Variants in TASP1 observed in about 807,000 individuals in gnomAD.
TASP1 encodes the protein threonine aspartase 1.
Under a neutral mutation model 56.6 loss-of-function variants are expected in TASP1, and 16 were observed. The observed-to-expected ratio is 0.28, with a 90% CI of 0.19 to 0.43. The LOEUF (loss-of-function observed/expected upper bound fraction) is 0.43. Among genes scored for constraint, TASP1 ranks in the 20% least tolerant of loss-of-function variants. The pLI, the probability that TASP1 is intolerant of heterozygous loss-of-function variation, is 1.00. For missense variants in TASP1, 393 were observed against 511.6 expected (o/e 0.77, Z 2.24); for synonymous variants, 179 against 184.2 (o/e 0.97, Z 0.23).
At chr20:13,321,544 TCTGTCTGCCTAGGCCTGGTGC>T in the TASP1 span, among the ~76,000 whole-genome samples, 4 of 152,190 alleles carry the variant, frequency 2.6e-5, no homozygotes, top group Admixed American at 2.6e-4. Context: ...TAATCCTTCC[TCTGTCTGCCTAGGCCTGGTGC>T]CTTGAAGCCT....
chr20:13,214,562 C>CACACACAG, the TASP1 span, among the ~76,000 whole-genome samples: 7 of 111,302 alleles, frequency 6.3e-5, no homozygotes, highest in Admixed American at 4.7e-4. Flanking sequence ...CACACACACA[C>CACACACAG]AGAGAGAGAG....
At chr20:13,118,722 T>C in the TASP1 span, among the ~76,000 whole-genome samples, 1 of 152,128 alleles carries the variant, frequency 6.6e-6, no homozygotes, top group Non-Finnish European at 1.5e-5. Context: ...TCAACAAAAA[T>C]CCCCACTTTC....
chr20:13,509,508 G>GT (rs2146704365), intron 10 of TASP1, among the ~76,000 whole-genome samples: 1 of 152,172 alleles, frequency 6.6e-6, no homozygotes, highest in East Asian at 1.9e-4. Context: ...ACCAAAAAAG[G>GT]TAACTATGTG....
chr20:13,266,024 G>A, the TASP1 span, among the ~76,000 whole-genome samples: 1 of 152,186 alleles, frequency 6.6e-6, no homozygotes, highest in Non-Finnish European at 1.5e-5. Context: ...CAAAGTGGAA[G>A]AGAGAAAGGC....
At chr20:13,187,581 C>G in the TASP1 span, among the ~76,000 whole-genome samples, 1 of 151,800 alleles carries the variant, frequency 6.6e-6, no homozygotes, top group East Asian at 1.9e-4. Context: ...AACCCTGTCT[C>G]TACTAAAAAT....
chr20:13,221,811 TG>T, the TASP1 span: 2 of 1,456,758 alleles, frequency 1.4e-6, no homozygotes, highest in African/African-American at 2.9e-5. Context: ...CTGCTGCTGC[TG>T]GGGCTGCTGC....
intron 4 of TASP1, among the ~76,000 whole-genome samples, chr20:13,602,063 T>A (rs181668023): frequency 6.6e-6 from 1 of 151,990 alleles, no homozygotes; most frequent in Non-Finnish European, 1.5e-5. Context: ...ATTTTTTTAG[T>A]AGAGATGGGG....
Position 13,560,017 on chromosome 20 carries a change from A to G in TASP1, c.569-903T>C, listed in dbSNP as rs541204642. Among the ~76,000 whole-genome samples the G allele has an allele frequency of 3.3e-5, 5 of 152,344 alleles. No homozygotes were observed. In the South Asian group the frequency reaches 1.0e-3, roughly 32 times the overall value. ...GAGAAAGAAAAGAAAGACATCAAAAACAGGATTAAGCAGCAAGATGATAAA... is the reference window on the plus strand; with the variant it reads ...GAGAAAGAAAAGAAAGACATCAAAAGCAGGATTAAGCAGCAAGATGATAAA... On this transcript the variant is annotated intron_variant, in intron 7 of 13. Transcript: ENST00000337743.
intron 7 of TASP1, among the ~76,000 whole-genome samples, chr20:13,567,097 T>TA (rs368931596): frequency 2.0e-5 from 3 of 152,014 alleles, no homozygotes; most frequent in Non-Finnish European, 2.9e-5. Context: ...TATGCAGCCA[T>TA]AAAAAAGAGT....
At chr20:13,246,519 A>G in the TASP1 span, among the ~76,000 whole-genome samples, 1 of 152,214 alleles carries the variant, frequency 6.6e-6, no homozygotes. Context: ...GCATATGGAA[A>G]GTGCCCAAGA....
intron 12 of TASP1, among the ~76,000 whole-genome samples, chr20:13,428,375 A>C (rs568947581): frequency 3.3e-5 from 5 of 152,280 alleles, no homozygotes; most frequent in African/African-American, 1.2e-4. Flanking sequence ...TTTTCACCAG[A>C]AGACTTGGTT....
the TASP1 span, among the ~76,000 whole-genome samples, chr20:13,322,257 C>T: frequency 6.6e-6 from 1 of 152,106 alleles, no homozygotes; most frequent in Non-Finnish European, 1.5e-5. Context: ...TGAGGCAGTT[C>T]GTCATCTTCA....
the TASP1 span, among the ~76,000 whole-genome samples, chr20:13,363,918 T>C: frequency 6.6e-6 from 1 of 152,194 alleles, no homozygotes; most frequent in African/African-American, 2.4e-5. Context: ...TGGAAATGTC[T>C]CCAGCCCATC....
At chr20:13,342,471 G>A in the TASP1 span, among the ~76,000 whole-genome samples, 1 of 152,216 alleles carries the variant, frequency 6.6e-6, no homozygotes, top group Admixed American at 6.5e-5. Context: ...AGCAGAGACT[G>A]TGACAGCCTC....
the TASP1 span, among the ~76,000 whole-genome samples, chr20:13,281,532 A>G: frequency 6.6e-6 from 1 of 152,216 alleles, no homozygotes; most frequent in African/African-American, 2.4e-5. Flanking sequence ...TGGGAAAACT[A>G]AAGCCTGGAA....
intron 10 of TASP1, among the ~76,000 whole-genome samples, chr20:13,506,124 T>C (rs1288788709): frequency 2.0e-5 from 3 of 152,108 alleles, no homozygotes; most frequent in Non-Finnish European, 4.4e-5. Flanking sequence ...AACAATTATA[T>C]GCTAACAAAT....
intron 12 of TASP1, among the ~76,000 whole-genome samples, chr20:13,433,520 C>CAAAAAAAAAAAAAAAAAAAAAAAA (rs74746255): frequency 2.2e-5 from 2 of 89,212 alleles, no homozygotes; most frequent in African/African-American, 9.5e-5. Flanking sequence ...GACAGTATGG[C>CAAAAAAAAAAAAAAAAAAAAAAAA]AAAAAAAAAA....
intron 4 of TASP1, among the ~76,000 whole-genome samples, chr20:13,609,064 CTA>C (rs1014752122): frequency 6.6e-6 from 1 of 152,028 alleles, no homozygotes; most frequent in African/African-American, 2.4e-5. Context: ...AGTATCTAGA[CTA>C]TATAAAGAGC....
chr20:13,545,699 T>C (rs1163436896), intron 8 of TASP1, among the ~76,000 whole-genome samples: 6 of 152,114 alleles, frequency 3.9e-5, no homozygotes, highest in Non-Finnish European at 7.4e-5. Flanking sequence ...AGCCCCACTC[T>C]CTTCTACTTG....
Sources: gnomAD v4.1 joint callset for allele counts (sites outside exome capture counted in the v4.1 genomes callset) on GRCh38, gnomAD v4.1.1 for gene constraint, MANE v1.5 for transcripts, NCBI Gene and HGNC (gene_info 2026-07-23, HGNC 2026-07-21) for gene names.